Variants in EVC2 observed in about 807,000 individuals in gnomAD.
EVC2 encodes EvC ciliary complex subunit 2, also known as limbin.
EVC2 carries 148 observed loss-of-function variants against 149.3 expected under a neutral mutation model. The ratio of observed to expected loss-of-function variants is 0.99; its 90% CI spans 0.87 to 1.14. EVC2 has a LOEUF of 1.14. Among genes scored for constraint, EVC2 ranks in the 50% most tolerant of loss-of-function variants. The pLI, the probability that EVC2 is intolerant of heterozygous loss-of-function variation, is 0.00. For synonymous variants in EVC2, 776 were observed against 649.9 expected, an observed-to-expected ratio of 1.19 and a Z score of -2.95; for missense variants, 1,854 against 1,627.3, an observed-to-expected ratio of 1.14 and a Z score of -2.40.
chr4:5,656,005 G>A (rs1027383163), intron 9 of EVC2, among the ~76,000 whole-genome samples: 1 of 152,166 alleles, frequency 6.6e-6, no homozygotes, highest in Non-Finnish European at 1.5e-5. Flanking sequence ...ATTCCTGAGG[G>A]AAGTGGGGGA....
intron 12 of EVC2, among the ~76,000 whole-genome samples, chr4:5,627,630 T>C (rs1716213642): frequency 6.6e-6 from 1 of 152,180 alleles, no homozygotes; most frequent in Admixed American, 6.5e-5. Context: ...GAATAAATTT[T>C]GTTCTTTACA....
chr4:5,626,759 C>T (rs1716148150), intron 12 of EVC2, among the ~76,000 whole-genome samples: 1 of 152,140 alleles, frequency 6.6e-6, no homozygotes, highest in Admixed American at 6.5e-5. Context: ...TGCTGAGGTC[C>T]TGAATAGAAC....
chr4:5,548,028 C>T (rs1053705326), intron 21 of EVC2, among the ~76,000 whole-genome samples: 6 of 152,206 alleles, frequency 3.9e-5, no homozygotes, highest in Non-Finnish European at 5.9e-5. Flanking sequence ...TCGGTGCCCA[C>T]GCCGGCACCT....
intron 16 of EVC2, among the ~76,000 whole-genome samples, chr4:5,596,351 G>C (rs995818561): frequency 6.6e-6 from 1 of 152,120 alleles, no homozygotes; most frequent in Non-Finnish European, 1.5e-5. Context: ...TAAAAGATCA[G>C]ACATTATAAC....
chr4:5,541,701 G>A (rs191913250), downstream of EVC2, among the ~76,000 whole-genome samples: 1 of 152,214 alleles, frequency 6.6e-6, no homozygotes, highest in Non-Finnish European at 1.5e-5. Context: ...TCGCCAGCTT[G>A]GTGACTCTGG....
At chr4:5,632,506 A>C (rs1372547834) in intron 10 of EVC2, among the ~76,000 whole-genome samples, 1 of 152,190 alleles carries the variant, frequency 6.6e-6, no homozygotes, top group Non-Finnish European at 1.5e-5. Context: ...GAAATCTGCA[A>C]ATCAAACTGC....
At chr4:5,602,290 TTA>T (rs1491199422) in intron 16 of EVC2, among the ~76,000 whole-genome samples, 6 of 114,222 alleles carry the variant, frequency 5.3e-5, no homozygotes, top group African/African-American at 2.7e-4. Flanking sequence ...ACATTGCCTC[TTA>T]AAAAAAAAAA....
intron 9 of EVC2, among the ~76,000 whole-genome samples, chr4:5,659,969 T>A (rs1029135111): frequency 6.6e-6 from 1 of 152,254 alleles, no homozygotes; most frequent in Admixed American, 6.5e-5. Context: ...AACAGACTTT[T>A]AGCTCTGAAA....
chr4:5,656,837 T>C lies in EVC2; in HGVS notation c.1145+6270A>G, dbSNP rs114131499. Among the ~76,000 whole-genome samples the C allele has an allele frequency of 2.8e-3, 429 of 152,298 alleles. 3 individuals carry two copies. Among genetic ancestry groups the C allele is most frequent in the African/African-American group, 9.7e-3 (404 of 41,574 alleles). ...AAACCACCAAGGTTACGGTAATTTGTGACAACAGCCACAGGATACTAATAC... is the reference window on the plus strand; with the variant it reads ...AAACCACCAAGGTTACGGTAATTTGCGACAACAGCCACAGGATACTAATAC... On this transcript the variant is annotated intron_variant, in intron 9 of 21. Transcript: ENST00000344408.
chr4:5,637,784 T>A lies in EVC2; in HGVS notation c.1470+2730A>T, dbSNP rs917354302. 6.6e-6 allele frequency among the ~76,000 whole-genome samples: 1 copy of A among 150,784 alleles called. No homozygotes were observed. The highest frequency in any genetic ancestry group is 1.5e-5 in the Non-Finnish European group (1 of 67,820). ...GGCAGAATGAATGATCCTCTGCCAC[T>A]GAGTTGTGGGATGGGCTTCTCTCTT... is the stretch of plus-strand genomic sequence containing the variant. On this transcript the variant is annotated intron_variant, in intron 10 of 21. Coordinates refer to ENST00000344408, the MANE Select transcript of EVC2 (RefSeq NM_147127.5). This position sits in a 1 kb window ranked among gnomAD's most constrained non-coding sequence, Gnocchi z 4.4.
rs569005529 is a variant in EVC2 at position 5,637,046 on chromosome 4, A to G, written c.1470+3468T>C. Reference sequence around the variant, plus strand: ...GCCTGCCCAATACACGCTGGCTTGCAAGGTGGTGTGGGTGGGAGAGACAGG... The same window carrying G: ...GCCTGCCCAATACACGCTGGCTTGCGAGGTGGTGTGGGTGGGAGAGACAGG... On this transcript the variant is annotated intron_variant, in intron 10 of 21. Transcript: ENST00000344408. This position sits in a 1 kb window ranked among gnomAD's most constrained non-coding sequence, Gnocchi z 4.4. 3.3e-5 allele frequency among the ~76,000 whole-genome samples: 5 copies of G among 152,240 alleles called. No individual in the cohort carries two copies. In the South Asian group the frequency reaches 1.0e-3, roughly 32 times the overall value.
intron 21 of EVC2, among the ~76,000 whole-genome samples, chr4:5,543,501 T>C (rs116706543): frequency 0.016 from 2,369 of 152,294 alleles, 63 homozygotes; most frequent in African/African-American, 0.054. Flanking sequence ...AGGTTCTTAG[T>C]ATACAGAGTA....
chr4:5,678,069 T>C (rs1006091204), intron 7 of EVC2, among the ~76,000 whole-genome samples: 1 of 152,230 alleles, frequency 6.6e-6, no homozygotes, highest in Non-Finnish European at 1.5e-5. Context: ...ACTGGCATCC[T>C]CTGAAAGCCC....
chr4:5,604,084 G>A (rs1714201913), intron 16 of EVC2, among the ~76,000 whole-genome samples: 1 of 152,172 alleles, frequency 6.6e-6, no homozygotes, highest in African/African-American at 2.4e-5. Context: ...TCTGTGAAAT[G>A]GAGATAGTAA....
the EVC2 span, among the ~76,000 whole-genome samples, chr4:5,533,142 T>A: frequency 6.6e-6 from 1 of 151,566 alleles, no homozygotes; most frequent in Admixed American, 6.6e-5. Context: ...TGACAGTATG[T>A]GACAAGCTGA....
chr4:5,667,391 T>TA lies in EVC2; in HGVS notation c.871-1743dup, dbSNP rs1560210084. ...ATTACTACTATTATGATGATGATTATAAAAAAAGTAAGGCAAATTTGATAG... is the reference window on the plus strand; with the variant it reads ...ATTACTACTATTATGATGATGATTATAAAAAAAAGTAAGGCAAATTTGATAG... On this transcript the variant is annotated intron_variant, in intron 7 of 21. Coordinates refer to ENST00000344408, the MANE Select transcript of EVC2 (RefSeq NM_147127.5). Among the ~76,000 whole-genome samples, 6 of 151,958 alleles carry TA rather than the reference T, an allele frequency of 3.9e-5. No individual in the cohort carries two copies. The South Asian group carries it at 1.0e-3, about 26-fold the overall frequency.
intron 20 of EVC2, 66 bp downstream of exon 20, chr4:5,568,378 G>A (rs1243491504): frequency 4.1e-6 from 6 of 1,469,326 alleles, no homozygotes; most frequent in East Asian, 2.5e-5. Context: ...CCATGACCTT[G>A]AGGACTCATG....
At chr4:5,661,871 A>G (rs1187609414) in intron 9 of EVC2, among the ~76,000 whole-genome samples, 3 of 152,248 alleles carry the variant, frequency 2.0e-5, no homozygotes, top group Non-Finnish European at 2.9e-5. Context: ...GTTCTCATCC[A>G]TAAGATGTTA....
At chr4:5,705,119 C>T (rs147879887) in intron 1 of EVC2, among the ~76,000 whole-genome samples, 21 of 152,268 alleles carry the variant, frequency 1.4e-4, no homozygotes, top group African/African-American at 3.4e-4. Flanking sequence ...TTCTTTTCTA[C>T]AAATCTGGGA....
Sources: allele counts gnomAD v4.1 joint callset (sites outside exome capture counted in the v4.1 genomes callset), GRCh38; gene constraint gnomAD v4.1.1; non-coding constraint Gnocchi (gnomAD v3.1); transcripts MANE v1.5; gene names NCBI Gene and HGNC (gene_info 2026-07-23, HGNC 2026-07-21).